SLC25A33: variants seen among roughly 807,000 people sequenced by gnomAD.
SLC25A33 encodes the protein bone marrow stromal cell mitochondrial carrier protein.
In SLC25A33, 15 loss-of-function variants were observed where a neutral mutation model predicts 35.5. The observed-to-expected ratio is 0.42, with a 90% confidence interval of 0.28 to 0.65. The LOEUF (loss-of-function observed/expected upper bound fraction) is 0.65, where lower values mean the gene tolerates loss of function less well. SLC25A33 is among the 30% of genes least tolerant of loss of function. The probability of loss-of-function intolerance (pLI) is 0.20; values close to 1 mark genes in which losing one functional copy is unlikely to be tolerated. For missense variants in SLC25A33, 257 were observed against 398.5 expected, an observed-to-expected ratio of 0.64 and a Z score of 3.02; for synonymous variants, 136 against 148.7, an observed-to-expected ratio of 0.91 and a Z score of 0.62.
At chr1:9,557,870 T>C (rs930009872) in intron 2 of SLC25A33, among the ~76,000 whole-genome samples, 21 of 150,990 alleles carry the variant, frequency 1.4e-4, no homozygotes, top group African/African-American at 5.1e-4. Context: ...GCCACTGTAC[T>C]CCAGCCTGGG....
At chr1:9,560,955 T>C (rs1643415493) in intron 2 of SLC25A33, among the ~76,000 whole-genome samples, 1 of 151,156 alleles carries the variant, frequency 6.6e-6, no homozygotes, top group Admixed American at 6.6e-5. Flanking sequence ...ACATTCTTTT[T>C]TTTTTTTTTT....
intron 2 of SLC25A33, among the ~76,000 whole-genome samples, chr1:9,566,267 C>G (rs1363638182): frequency 1.3e-5 from 2 of 152,094 alleles, no homozygotes; most frequent in Non-Finnish European, 2.9e-5. Context: ...TCTGGAACTC[C>G]TGGGTTCAAG....
At chr1:9,570,558 T>G (rs1050085598) in intron 4 of SLC25A33, among the ~76,000 whole-genome samples, 200 bp downstream of exon 4, 1 of 152,142 alleles carries the variant, frequency 6.6e-6, no homozygotes, top group Non-Finnish European at 1.5e-5. Flanking sequence ...CCACTAAAGC[T>G]CTTTATTTGC....
At chr1:9,570,723 T>C (rs1338815132) in intron 4 of SLC25A33, among the ~76,000 whole-genome samples, 2 of 148,152 alleles carry the variant, frequency 1.3e-5, no homozygotes, top group Non-Finnish European at 3.0e-5. Flanking sequence ...TTTTTTTTTT[T>C]TTGAGACAGA....
chr1:9,539,851 G>C, intron 1 of SLC25A33, 104 bp downstream of exon 1: 1 of 1,077,590 alleles, frequency 9.3e-7, no homozygotes, highest in Non-Finnish European at 1.2e-6. Flanking sequence ...GGCCTTCCCC[G>C]GGCTACGGCG....
chr1:9,574,835 T>C lies in SLC25A33; in HGVS notation c.482+1423T>C, dbSNP rs1376813732. 3.9e-5 allele frequency among the ~76,000 whole-genome samples: 6 copies of C among 152,194 alleles called. No individual in the cohort carries two copies. In the East Asian group the frequency reaches 1.2e-3, roughly 29 times the overall value. ...CCCTAAACTCCAATAGTTAACAACT[T>C]CAACTATTGGATTTCGGTTAGGGAT... On this transcript the variant is annotated intron_variant, in intron 5 of 6. Coordinates refer to ENST00000302692, the MANE Select transcript of SLC25A33 (RefSeq NM_032315.3).
intron 2 of SLC25A33, among the ~76,000 whole-genome samples, chr1:9,554,419 G>A (rs547479239): frequency 6.6e-6 from 1 of 152,282 alleles, no homozygotes; most frequent in Non-Finnish European, 1.5e-5. Flanking sequence ...GAGTGCAATG[G>A]CACAATCTCA....
intron 3 of SLC25A33, among the ~76,000 whole-genome samples, chr1:9,568,671 G>A (rs1643544823): frequency 6.6e-6 from 1 of 151,786 alleles, no homozygotes; most frequent in Admixed American, 6.6e-5. Flanking sequence ...CTAACGCGGT[G>A]AAACCCCGTC....
At chr1:9,554,589 C>T (rs7354926) in intron 2 of SLC25A33, among the ~76,000 whole-genome samples, 2,652 of 152,060 alleles carry the variant, frequency 0.017, 86 homozygotes, top group African/African-American at 0.06. Context: ...AAACTCCCAA[C>T]CTCAGGTGAT....
chr1:9,558,075 G>A (rs1287485952), intron 2 of SLC25A33, among the ~76,000 whole-genome samples: 2 of 152,146 alleles, frequency 1.3e-5, no homozygotes, highest in South Asian at 2.1e-4. Flanking sequence ...CAGGCGTGAC[G>A]TTACCTCTAT....
At chr1:9,561,883 G>A (rs558265355) in intron 2 of SLC25A33, among the ~76,000 whole-genome samples, 1 of 152,050 alleles carries the variant, frequency 6.6e-6, no homozygotes, top group Non-Finnish European at 1.5e-5. Context: ...GGCCACTTCA[G>A]GGTGTTACTT....
intron 5 of SLC25A33, among the ~76,000 whole-genome samples, chr1:9,579,750 A>G (rs1170783277): frequency 6.6e-6 from 1 of 152,324 alleles, no homozygotes; most frequent in Admixed American, 6.5e-5. Context: ...GGGCAGGTGA[A>G]AGGAGATCAA....
Position 9,578,109 on chromosome 1 carries a change from G to A in SLC25A33, c.483-1845G>A, listed in dbSNP as rs1046264550. Reference sequence around the variant, plus strand: ...ATTTTTTGTATTTTTTAGTAGAGACGGGGTTTCACCGTGTTAGCCAGGATG... The same window carrying A: ...ATTTTTTGTATTTTTTAGTAGAGACAGGGTTTCACCGTGTTAGCCAGGATG... On this transcript the variant is annotated intron_variant, in intron 5 of 6. Transcript: ENST00000302692. This position sits in a 1 kb window ranked among gnomAD's most constrained non-coding sequence, Gnocchi z 4.3. Among the ~76,000 whole-genome samples, 6 of 152,124 alleles carry A rather than the reference G, an allele frequency of 3.9e-5. No individual in the cohort carries two copies. The highest frequency in any genetic ancestry group is 3.3e-4 in the Admixed American group (5 of 15,274).
intron 6 of SLC25A33, 75 bp downstream of exon 6, chr1:9,580,309 C>G (rs1172813027): frequency 1.4e-5 from 21 of 1,543,676 alleles, no homozygotes; most frequent in Non-Finnish European, 1.8e-5. Context: ...ATCTAGACTT[C>G]TGAGGCGCAC....
chr1:9,553,055 C>A (rs1453723523), intron 1 of SLC25A33, among the ~76,000 whole-genome samples: 1 of 150,938 alleles, frequency 6.6e-6, no homozygotes, highest in Non-Finnish European at 1.5e-5. Context: ...CCATGCCCGG[C>A]TAATTTTTGT....
At chr1:9,553,239 T>TTTTTTTTG (rs1643294625) in intron 1 of SLC25A33, among the ~76,000 whole-genome samples, 1 of 143,282 alleles carries the variant, frequency 7.0e-6, no homozygotes, top group African/African-American at 2.7e-5. Flanking sequence ...GGTTTTTTTT[T>TTTTTTTTG]TGTTTGAGAC....
Position 9,553,203 on chromosome 1 carries a change from G to GTTT in SLC25A33, c.57-401_57-399dup, listed in dbSNP as rs550067186. On this transcript the variant is annotated intron_variant, in intron 1 of 6. Coordinates refer to ENST00000302692, the MANE Select transcript of SLC25A33 (RefSeq NM_032315.3). Reference sequence around the variant, plus strand: ...TTAACCTTTATTGTGTTCTAGTTTTGTTTTTTTTTTTTTTTTTTTTTTTTG... The same window carrying GTTT: ...TTAACCTTTATTGTGTTCTAGTTTTGTTTTTTTTTTTTTTTTTTTTTTTTTTTG... Among the ~76,000 whole-genome samples, 111 of 56,506 alleles carry GTTT rather than the reference G, an allele frequency of 2.0e-3. 1 individual carries two copies. The highest frequency in any genetic ancestry group is 2.7e-3 in the Non-Finnish European group (83 of 30,948). 37.1% of individuals were successfully genotyped at this position (56,506 alleles called of 152,430 possible). A position where few individuals can be genotyped will look rare whatever the true frequency, so the allele number is the denominator to read the frequency against.
intron 4 of SLC25A33, among the ~76,000 whole-genome samples, chr1:9,572,565 C>T (rs556066845): frequency 2.0e-5 from 3 of 152,200 alleles, no homozygotes; most frequent in Admixed American, 6.5e-5. Flanking sequence ...TTGCAGTGAG[C>T]CGAGATCGCG....
intron 1 of SLC25A33, among the ~76,000 whole-genome samples, chr1:9,540,146 G>T (rs1643056431): frequency 6.6e-6 from 1 of 152,192 alleles, no homozygotes; most frequent in Admixed American, 6.5e-5. Flanking sequence ...AGAGCCCGTG[G>T]TAGGATCGCT....
Sources: gnomAD v4.1 joint callset for allele counts (sites outside exome capture counted in the v4.1 genomes callset) on GRCh38, gnomAD v4.1.1 for gene constraint, Gnocchi (gnomAD v3.1) non-coding constraint, MANE v1.5 for transcripts, NCBI Gene and HGNC (gene_info 2026-07-23, HGNC 2026-07-21) for gene names.